EEF2K: variants seen among roughly 807,000 people sequenced by gnomAD.
The protein encoded by EEF2K is eukaryotic elongation factor 2 kinase, also known as alternative protein EEF2K.
In EEF2K, 70 loss-of-function variants were observed where a neutral mutation model predicts 93.8. The ratio of observed to expected loss-of-function variants is 0.75; its 90% CI spans 0.62 to 0.91. EEF2K has a LOEUF of 0.91. Among genes scored for constraint, EEF2K ranks in the 40% least tolerant of loss-of-function variants. The pLI, the probability that EEF2K is intolerant of heterozygous loss-of-function variation, is 0.00. For missense variants in EEF2K, 935 were observed against 972.9 expected (o/e 0.96, Z 0.52); for synonymous variants, 376 against 380.8 (o/e 0.99, Z 0.15).
chr16:22,227,311 C>T (rs2047074422), intron 2 of EEF2K, among the ~76,000 whole-genome samples: 1 of 151,644 alleles, frequency 6.6e-6, no homozygotes, highest in Non-Finnish European at 1.5e-5. Flanking sequence ...GAAACGTCCG[C>T]CTCCTGGGTT....
chr16:22,222,892 G>A (rs1251224806), intron 1 of EEF2K, among the ~76,000 whole-genome samples: 1 of 151,314 alleles, frequency 6.6e-6, no homozygotes. Context: ...CAGATAGATA[G>A]ATAGTACAAT....
intron 1 of EEF2K, among the ~76,000 whole-genome samples, chr16:22,215,323 C>T (rs2046948468): frequency 6.6e-6 from 1 of 152,094 alleles, no homozygotes; most frequent in South Asian, 2.1e-4. Context: ...TGCCTCCAGA[C>T]CCTATTCGCC....
intron 16 of EEF2K, among the ~76,000 whole-genome samples, chr16:22,277,127 A>G (rs2047645251): frequency 6.6e-6 from 1 of 152,086 alleles, no homozygotes; most frequent in South Asian, 2.1e-4. Context: ...CCATTTTTTA[A>G]ATTTAACTTT....
intron 13 of EEF2K, 52 bp downstream of exon 13, chr16:22,264,932 G>T: frequency 1.3e-6 from 2 of 1,598,536 alleles, no homozygotes; most frequent in Non-Finnish European, 1.7e-6. Context: ...TCTCCTCCAG[G>T]CTCTGTTGCT....
intron 2 of EEF2K, among the ~76,000 whole-genome samples, chr16:22,234,877 C>CTTTTTTTTTTTT (rs1173052779): frequency 3.3e-5 from 3 of 90,626 alleles, no homozygotes; most frequent in Non-Finnish European, 4.2e-5. Flanking sequence ...TTTTTTGTTG[C>CTTTTTTTTTTTT]TTTTTTTTTT....
In EEF2K at chr16:22,263,129, A is replaced by G; in HGVS notation, c.1319A>G (p.Asp440Gly). The G allele has an allele frequency of 6.2e-7, 1 of 1,612,294 alleles. No individual in the cohort carries two copies. ...CCACAGGAGTCTGAGAATAGTGGGG[A>G]CAGCGGATACCCCAGTGAGAAGCGG... Reference protein sequence around the residue: ...DNHRESENSGDSGYPSEKRGE... With the variant: ...DNHRESENSGGSGYPSEKRGE... The change falls in exon 12 of 18, where the codon GAC becomes GGC. Residue 440 changes from aspartate to glycine, a missense_variant. Asp to Gly is a moderately conservative substitution (Grantham distance 94). Transcript: ENST00000263026.
rs1156522808 is a variant in EEF2K, at chr16:22,284,923, CT to C, written c.*928del. ...CTGTGGGGAAGGGCCTGCATGTTGG[CT>C]GTTTTTTAAACTTCTAGTTCAATTT... On this transcript the variant is annotated 3_prime_UTR_variant, in exon 18 of 18. Transcript: ENST00000263026. The C allele has an allele frequency of 1.3e-5, 2 of 152,560 alleles. No homozygotes were observed. The highest frequency in any genetic ancestry group is 2.9e-5 in the Non-Finnish European group (2 of 68,050). The allele number at this position is 152,560 out of a possible 1,614,324, so 9.5% of individuals were successfully genotyped here. A position where few individuals can be genotyped will look rare whatever the true frequency, so the allele number is the denominator to read the frequency against.
At chr16:22,243,576 C>T (rs950191283) in intron 2 of EEF2K, among the ~76,000 whole-genome samples, 6 of 151,722 alleles carry the variant, frequency 4.0e-5, no homozygotes, top group Admixed American at 1.3e-4. Context: ...TTTATACCCC[C>T]GATGGTGTGT....
At chr16:22,277,139 A>C (rs2047645455) in intron 16 of EEF2K, among the ~76,000 whole-genome samples, 1 of 151,514 alleles carries the variant, frequency 6.6e-6, no homozygotes, top group Admixed American at 6.6e-5. Context: ...TTTAACTTTT[A>C]TTTATTTATT....
chr16:22,247,845 C>G (rs2047310734), intron 3 of EEF2K, among the ~76,000 whole-genome samples: 2 of 152,096 alleles, frequency 1.3e-5, no homozygotes, highest in South Asian at 4.1e-4. Flanking sequence ...CCTGTCTAGA[C>G]TCAGAGACGG....
At chr16:22,212,294 G>C (rs2046922206) in intron 1 of EEF2K, among the ~76,000 whole-genome samples, 1 of 151,730 alleles carries the variant, frequency 6.6e-6, no homozygotes, top group Non-Finnish European at 1.5e-5. Flanking sequence ...GCAGGTTGCT[G>C]TTTACATCGG....
intron 3 of EEF2K, 95 bp downstream of exon 3, chr16:22,244,825 G>T: frequency 1.6e-6 from 2 of 1,287,660 alleles, no homozygotes; most frequent in East Asian, 2.5e-5. Flanking sequence ...TGGGGGTCAG[G>T]GGAAGGGAGT....
intron 2 of EEF2K, among the ~76,000 whole-genome samples, chr16:22,227,140 G>C (rs563242002): frequency 4.6e-5 from 7 of 152,170 alleles, no homozygotes; most frequent in Admixed American, 4.6e-4. Context: ...TGGAAGTTGC[G>C]GTGAACTGAG....
intron 16 of EEF2K, among the ~76,000 whole-genome samples, chr16:22,278,476 G>A (rs192280128): frequency 7.9e-5 from 12 of 152,242 alleles, no homozygotes; most frequent in Non-Finnish European, 1.8e-4. Flanking sequence ...CGGGTGCAAG[G>A]GCCACAGAGC....
intron 11 of EEF2K, among the ~76,000 whole-genome samples, chr16:22,261,018 C>T (rs146086214): frequency 2.6e-5 from 4 of 152,294 alleles, no homozygotes; most frequent in Non-Finnish European, 5.9e-5. Context: ...TGCATTCTCA[C>T]AAATGTATAT....
intron 11 of EEF2K, among the ~76,000 whole-genome samples, chr16:22,261,725 C>T (rs1325526520): frequency 1.1e-4 from 16 of 151,514 alleles, no homozygotes; most frequent in East Asian, 9.7e-4. Flanking sequence ...TTAGTAGAGG[C>T]GGGGTGTGGT....
chr16:22,211,059 A>C (rs2046909174), intron 1 of EEF2K, among the ~76,000 whole-genome samples: 1 of 152,158 alleles, frequency 6.6e-6, no homozygotes, highest in Admixed American at 6.6e-5. Context: ...ACCTAGCTGC[A>C]AGGGATGCTG....
chr16:22,275,775 G>A (rs2047628512), intron 16 of EEF2K, among the ~76,000 whole-genome samples: 1 of 151,450 alleles, frequency 6.6e-6, no homozygotes, highest in Non-Finnish European at 1.5e-5. Flanking sequence ...CCAGTAGCTG[G>A]AACTACAGAT....
chr16:22,225,533 T>C, intron 1 of EEF2K, 121 bp from the exon 2 acceptor site: 2 of 757,188 alleles, frequency 2.6e-6, no homozygotes, highest in African/African-American at 1.8e-5. Context: ...AAAAGATAGC[T>C]CTAGGTTTTA....
Sources: allele counts gnomAD v4.1 joint callset (sites outside exome capture counted in the v4.1 genomes callset), GRCh38; gene constraint gnomAD v4.1.1; transcripts MANE v1.5; gene names NCBI Gene and HGNC (gene_info 2026-07-23, HGNC 2026-07-21).